Variants in NRBF2 observed in about 807,000 individuals in gnomAD.
NRBF2 encodes nuclear receptor binding factor 2, also known as nuclear receptor-binding factor 2.
NRBF2 carries 12 observed loss-of-function variants against 28.5 expected under a neutral mutation model. That is an observed-to-expected ratio of 0.42 (90% CI 0.27 to 0.68). The LOEUF (loss-of-function observed/expected upper bound fraction) is 0.68. Ranked by LOEUF, NRBF2 falls within the 30% of genes least tolerant of loss-of-function variation. The probability of loss-of-function intolerance (pLI) is 0.24; values close to 1 mark genes in which losing one functional copy is unlikely to be tolerated. For synonymous variants in NRBF2, 102 were observed against 116.5 expected (o/e 0.88, Z 0.80); for missense variants, 274 against 333.5 (o/e 0.82, Z 1.39).
chr10:63,146,173 A>T (rs1212235877), intron 1 of NRBF2, 36 bp from the exon 2 acceptor site: 1 of 1,529,778 alleles, frequency 6.5e-7, no homozygotes, highest in African/African-American at 1.4e-5. Flanking sequence ...GTTTTATTTT[A>T]TGATCCAGAG....
intron 1 of NRBF2, among the ~76,000 whole-genome samples, chr10:63,145,179 C>T (rs1256094806): frequency 6.8e-6 from 1 of 146,220 alleles, no homozygotes; most frequent in African/African-American, 2.6e-5. Flanking sequence ...ATGATCTTGC[C>T]TCATTGCAAC....
rs554773030 is a variant in NRBF2 at position 63,144,929 on chromosome 10, A to G, written c.31-1280A>G. 1.6e-3 allele frequency among the ~76,000 whole-genome samples: 248 copies of G among 152,200 alleles called. 2 individuals are homozygous for G. Among genetic ancestry groups the G allele is most frequent in the Non-Finnish European group, 3.1e-3 (211 of 68,010 alleles). On this transcript the variant is annotated intron_variant, in intron 1 of 3. Transcript: ENST00000277746. ...GTTTGTTACTGAGGAAAATCGTTAC[A>G]TGAGGTAGAAAACTTTAGCTGATTA...
intron 1 of NRBF2, among the ~76,000 whole-genome samples, chr10:63,140,284 C>A (rs1208504237): frequency 6.6e-6 from 1 of 152,152 alleles, no homozygotes; most frequent in Non-Finnish European, 1.5e-5. Flanking sequence ...CTCAATCTAA[C>A]GTAACCCATC....
At chr10:63,134,916 C>G (rs1403419263) in intron 1 of NRBF2, among the ~76,000 whole-genome samples, 1 of 152,028 alleles carries the variant, frequency 6.6e-6, no homozygotes, top group Non-Finnish European at 1.5e-5. Flanking sequence ...GGCCAGGCGC[C>G]GGGGCTCACG....
intron 1 of NRBF2, among the ~76,000 whole-genome samples, chr10:63,135,389 G>A (rs953455188): frequency 2.0e-5 from 3 of 152,150 alleles, no homozygotes; most frequent in Admixed American, 6.5e-5. Flanking sequence ...TTATTTGGCT[G>A]CAGAATAACC....
At position 63,154,356 on chromosome 10, in the gene NRBF2, A is replaced by G. The variant is rs1841698051; in HGVS notation, c.*138A>G. Reference sequence around the variant, plus strand: ...TCTGGTGGACTGTGGGAGCAGAGGCATTGCCAGGACTTGGGAAACAGTCAC... The same window carrying G: ...TCTGGTGGACTGTGGGAGCAGAGGCGTTGCCAGGACTTGGGAAACAGTCAC... On this transcript the variant is annotated 3_prime_UTR_variant, in exon 4 of 4. Coordinates refer to ENST00000277746, the MANE Select transcript of NRBF2 (RefSeq NM_030759.5). 2 of 620,230 alleles carry G rather than the reference A, an allele frequency of 3.2e-6. No individual in the cohort carries two copies. Among genetic ancestry groups the G allele is most frequent in the South Asian group, 2.2e-5 (1 of 45,660 alleles). The allele number at this position is 620,230 out of a possible 1,614,324, so 38.4% of individuals were successfully genotyped here. A position where few individuals can be genotyped will look rare whatever the true frequency, so the allele number is the denominator to read the frequency against.
chr10:63,154,369 G>A lies in NRBF2; in HGVS notation c.*151G>A. The A allele has an allele frequency of 3.4e-6, 2 of 591,918 alleles. No homozygotes were observed. The allele number at this position is 591,918 out of a possible 1,614,324, so 36.7% of individuals were successfully genotyped here. On this transcript the variant is annotated 3_prime_UTR_variant, in exon 4 of 4. Transcript: ENST00000277746. Reference sequence around the variant, plus strand: ...GGGAGCAGAGGCATTGCCAGGACTTGGGAAACAGTCACTGTGAAATGCGCT... The same window carrying A: ...GGGAGCAGAGGCATTGCCAGGACTTAGGAAACAGTCACTGTGAAATGCGCT...
At chr10:63,137,487 C>T (rs551282142) in intron 1 of NRBF2, among the ~76,000 whole-genome samples, 9 of 152,316 alleles carry the variant, frequency 5.9e-5, no homozygotes, top group Admixed American at 4.6e-4. Flanking sequence ...TTGCTTACCT[C>T]TGCTGCAAAG....
chr10:63,144,898 G>A (rs562586402), intron 1 of NRBF2, among the ~76,000 whole-genome samples: 6 of 152,188 alleles, frequency 3.9e-5, no homozygotes, highest in African/African-American at 9.6e-5. Flanking sequence ...TTGCTAAATC[G>A]TGTGTGTTTG....
chr10:63,137,289 A>G lies in NRBF2; in HGVS notation c.30+3789A>G, dbSNP rs148809357. On this transcript the variant is annotated intron_variant, in intron 1 of 3. Coordinates refer to ENST00000277746, the MANE Select transcript of NRBF2 (RefSeq NM_030759.5). ...TGTGCCCAGCCTGTCAGTTTTAAAT[A>G]TGGAAAAATTATAACTTATAAAATT... Among the ~76,000 whole-genome samples, 330 of 152,342 alleles carry G rather than the reference A, an allele frequency of 2.2e-3. 2 individuals carry two copies. Among genetic ancestry groups the G allele is most frequent in the Admixed American group, 4.0e-3 (61 of 15,300 alleles).
chr10:63,134,017 C>T (rs1841335732), intron 1 of NRBF2, among the ~76,000 whole-genome samples: 1 of 150,152 alleles, frequency 6.7e-6, no homozygotes, highest in Non-Finnish European at 1.5e-5. Context: ...CCTCCTCACC[C>T]TCCACTTCCC....
intron 1 of NRBF2, among the ~76,000 whole-genome samples, chr10:63,135,787 C>A (rs938003331): frequency 1.3e-5 from 2 of 151,888 alleles, no homozygotes; most frequent in Non-Finnish European, 2.9e-5. Flanking sequence ...GCTGGGATTT[C>A]AGGCACGCGC....
At chr10:63,147,809 A>C (rs577051864) in intron 2 of NRBF2, among the ~76,000 whole-genome samples, 9 of 124,464 alleles carry the variant, frequency 7.2e-5, no homozygotes, top group African/African-American at 1.9e-4. Context: ...ACTCAAGTGT[A>C]CTGGAGTTAT....
chr10:63,136,795 T>C (rs973139141), intron 1 of NRBF2, among the ~76,000 whole-genome samples: 1 of 152,230 alleles, frequency 6.6e-6, no homozygotes, highest in Non-Finnish European at 1.5e-5. Flanking sequence ...CAGTATTGAT[T>C]CTTTTATGTT....
At chr10:63,139,964 G>A (rs1589016845) in intron 1 of NRBF2, among the ~76,000 whole-genome samples, 1 of 151,730 alleles carries the variant, frequency 6.6e-6, no homozygotes, top group African/African-American at 2.4e-5. Flanking sequence ...AGTGAAAACC[G>A]GTCTCTACCA....
At chr10:63,152,829 T>G (rs2132697404) in intron 3 of NRBF2, among the ~76,000 whole-genome samples, 1 of 152,224 alleles carries the variant, frequency 6.6e-6, no homozygotes, top group African/African-American at 2.4e-5. Context: ...AGACCCCATC[T>G]CTACAAAAAC....
chr10:63,152,200 AT>A lies in NRBF2; in HGVS notation c.156+12del. 6.2e-7 allele frequency: 1 copy of A among 1,611,358 alleles called. No homozygotes were observed. The highest frequency in any genetic ancestry group is 1.7e-5 in the Admixed American group (1 of 59,952). On this transcript the variant is annotated intron_variant, in intron 3 of 3. Coordinates refer to ENST00000277746, the MANE Select transcript of NRBF2 (RefSeq NM_030759.5). ...GACACAGTCAGAGCAGGTGAGACAT[AT>A]TCCCAATATTTGCGACAAGGGTTAG...
intron 1 of NRBF2, among the ~76,000 whole-genome samples, chr10:63,141,777 G>A (rs1841473017): frequency 6.6e-6 from 1 of 152,218 alleles, no homozygotes; most frequent in African/African-American, 2.4e-5. Context: ...TGGCAGTCGA[G>A]CTCTATAACG....
chr10:63,135,031 T>C, intron 1 of NRBF2, among the ~76,000 whole-genome samples: 1 of 152,074 alleles, frequency 6.6e-6, no homozygotes, highest in Non-Finnish European at 1.5e-5. Context: ...CTACAAAAAA[T>C]ACAAAAATAG....
Sources: allele counts gnomAD v4.1 joint callset (sites outside exome capture counted in the v4.1 genomes callset), GRCh38; gene constraint gnomAD v4.1.1; transcripts MANE v1.5; gene names NCBI Gene and HGNC (gene_info 2026-07-23, HGNC 2026-07-21).